LGSN: variants seen among roughly 807,000 people sequenced by gnomAD.
The protein encoded by LGSN is lengsin, lens protein with glutamine synthetase domain, also known as lengsin.
In LGSN, 21 loss-of-function variants were observed where a neutral mutation model predicts 19.5. That is an observed-to-expected ratio of 1.07 (90% confidence interval 0.76 to 1.55). The LOEUF is 1.55. Among genes scored for constraint, LGSN ranks in the 40% most tolerant of loss-of-function variants. The pLI is 0.00. For synonymous variants in LGSN, 257 were observed against 215.6 expected, an observed-to-expected ratio of 1.19 and a Z score of -1.68; for missense variants, 673 against 608.5, an observed-to-expected ratio of 1.11 and a Z score of -1.12.
the LGSN span, among the ~76,000 whole-genome samples, chr6:63,477,817 A>G: frequency 6.7e-6 from 1 of 149,350 alleles, no homozygotes; most frequent in Admixed American, 6.8e-5. Flanking sequence ...TACAGATTAC[A>G]GGTATGAGTC....
chr6:63,323,321 T>C (rs139617322), upstream of LGSN, among the ~76,000 whole-genome samples: 446 of 152,300 alleles, frequency 2.9e-3, 3 homozygotes, highest in African/African-American at 0.01. Flanking sequence ...GGTGAAGTCT[T>C]GGCTTTTAGT....
chr6:63,352,973 G>A, the LGSN span, among the ~76,000 whole-genome samples: 1 of 152,016 alleles, frequency 6.6e-6, no homozygotes, highest in Non-Finnish European at 1.5e-5. Flanking sequence ...TCTCTTGTGA[G>A]CGCAACAACC....
At chr6:63,447,919 T>C in the LGSN span, among the ~76,000 whole-genome samples, 1 of 152,180 alleles carries the variant, frequency 6.6e-6, no homozygotes, top group Non-Finnish European at 1.5e-5. Context: ...ATCCAATAAG[T>C]TGTCCAACAA....
the LGSN span, among the ~76,000 whole-genome samples, chr6:63,551,142 T>C: frequency 2.6e-5 from 4 of 152,164 alleles, no homozygotes; most frequent in African/African-American, 9.6e-5. Context: ...CTCTGCTCAC[T>C]GCAACCTCTG....
chr6:63,376,621 C>G, the LGSN span, among the ~76,000 whole-genome samples: 1 of 152,164 alleles, frequency 6.6e-6, no homozygotes, highest in African/African-American at 2.4e-5. Context: ...TTCTCTTTAA[C>G]TTCTTTTTTA....
chr6:63,308,392 T>C (rs1768480956), intron 1 of LGSN, among the ~76,000 whole-genome samples: 1 of 152,190 alleles, frequency 6.6e-6, no homozygotes. Context: ...GTTTATATGG[T>C]TTAATATAAG....
the LGSN span, among the ~76,000 whole-genome samples, chr6:63,325,034 G>A: frequency 6.7e-6 from 1 of 149,144 alleles, no homozygotes; most frequent in Non-Finnish European, 1.5e-5. Context: ...AACCTGGGAG[G>A]CAGAGGTTGC....
chr6:63,286,994 A>T (rs556417938), intron 2 of LGSN, among the ~76,000 whole-genome samples: 1 of 152,168 alleles, frequency 6.6e-6, no homozygotes, highest in Non-Finnish European at 1.5e-5. Context: ...GCATCCAAAC[A>T]CCCATCAATC....
chr6:63,282,350 T>A (rs1392530102), intron 3 of LGSN, among the ~76,000 whole-genome samples: 1 of 152,166 alleles, frequency 6.6e-6, no homozygotes, highest in African/African-American at 2.4e-5. Flanking sequence ...TTTCTTTCTT[T>A]CTCTTTCTTT....
chr6:63,368,885 C>T, the LGSN span, among the ~76,000 whole-genome samples: 1 of 152,238 alleles, frequency 6.6e-6, no homozygotes, highest in South Asian at 2.1e-4. Context: ...TCTATTTCTG[C>T]TAAAGAGAAG....
chr6:63,496,161 G>A, the LGSN span, among the ~76,000 whole-genome samples: 1 of 152,138 alleles, frequency 6.6e-6, no homozygotes, highest in Non-Finnish European at 1.5e-5. Context: ...CTTACCTCAG[G>A]TGATCTGCCC....
At chr6:63,549,661 C>T in the LGSN span, among the ~76,000 whole-genome samples, 9 of 151,320 alleles carry the variant, frequency 5.9e-5, no homozygotes, top group East Asian at 1.7e-3. Context: ...GGCAGTAACA[C>T]GGATAGAACT....
At chr6:63,467,647 AG>A in the LGSN span, among the ~76,000 whole-genome samples, 1 of 152,162 alleles carries the variant, frequency 6.6e-6, no homozygotes, top group Non-Finnish European at 1.5e-5. Context: ...GCAGGATACC[AG>A]TCCTATTGGA....
chr6:63,551,530 T>C, the LGSN span, among the ~76,000 whole-genome samples: 1 of 152,228 alleles, frequency 6.6e-6, no homozygotes, highest in African/African-American at 2.4e-5. Flanking sequence ...GATTCTGTCA[T>C]ATTAAGTTCA....
At chr6:63,422,085 G>A in the LGSN span, among the ~76,000 whole-genome samples, 1 of 152,034 alleles carries the variant, frequency 6.6e-6, no homozygotes. Context: ...GTTGAGACAG[G>A]GTCTTGCTCT....
the LGSN span, among the ~76,000 whole-genome samples, chr6:63,496,818 C>T: frequency 6.6e-6 from 1 of 151,782 alleles, no homozygotes; most frequent in African/African-American, 2.4e-5. Flanking sequence ...AGATGAAATG[C>T]AAATAGATAA....
At chr6:63,535,722 G>C in the LGSN span, among the ~76,000 whole-genome samples, 1 of 152,144 alleles carries the variant, frequency 6.6e-6, no homozygotes, top group Non-Finnish European at 1.5e-5. Flanking sequence ...TTGTGCCTTT[G>C]TGATATCAAA....
the LGSN span, among the ~76,000 whole-genome samples, chr6:63,459,310 T>C: frequency 6.6e-6 from 1 of 152,198 alleles, no homozygotes; most frequent in Admixed American, 6.5e-5. Context: ...TATTAATGGT[T>C]TTCCATGCAT....
chr6:63,390,018 G>A, the LGSN span, among the ~76,000 whole-genome samples: 1 of 151,462 alleles, frequency 6.6e-6, no homozygotes, highest in South Asian at 2.1e-4. Flanking sequence ...TGCTAAGTAG[G>A]GAGATGTAGA....
Sources: allele counts gnomAD v4.1 joint callset (sites outside exome capture counted in the v4.1 genomes callset), GRCh38; gene constraint gnomAD v4.1.1; transcripts MANE v1.5; gene names NCBI Gene and HGNC (gene_info 2026-07-23, HGNC 2026-07-21).